SLC12A7: variants seen among roughly 807,000 people sequenced by gnomAD.
The protein encoded by SLC12A7 is K-Cl cotransporter 4.
A neutral mutation model predicts 120.6 loss-of-function variants in SLC12A7; 100 were observed. That is an observed-to-expected ratio of 0.83 (90% CI 0.71 to 0.98). The LOEUF (loss-of-function observed/expected upper bound fraction) is 0.98. Ranked by LOEUF, SLC12A7 falls within the 50% of genes least tolerant of loss-of-function variation. The pLI, the probability that SLC12A7 is intolerant of heterozygous loss-of-function variation, is 0.00. For missense variants in SLC12A7, 1,373 were observed against 1,548.1 expected (o/e 0.89, Z 1.90); for synonymous variants, 760 against 678.0 (o/e 1.12, Z -1.88).
chr5:1,144,663 C>T, the SLC12A7 span, among the ~76,000 whole-genome samples: 1 of 152,218 alleles, frequency 6.6e-6, no homozygotes, highest in Non-Finnish European at 1.5e-5. Flanking sequence ...CAATTGAGTA[C>T]AGCTATTTAT....
At chr5:1,117,680 G>A in the SLC12A7 span, among the ~76,000 whole-genome samples, 2 of 152,070 alleles carry the variant, frequency 1.3e-5, no homozygotes, top group Non-Finnish European at 2.9e-5. The surrounding 1 kb of genome is among the most constrained non-coding windows in gnomAD (Gnocchi z 4.5). Flanking sequence ...AACAGACTCC[G>A]CACAAAAGGA....
chr5:1,073,601 G>C, intron 17 of SLC12A7, 32 bp downstream of exon 17: 1 of 1,578,572 alleles, frequency 6.3e-7, no homozygotes, highest in African/African-American at 1.4e-5. Context: ...GGGTGGGAAA[G>C]AGGCCTGGCC....
chr5:1,061,190 C>T (rs1271208942), intron 20 of SLC12A7, among the ~76,000 whole-genome samples: 2 of 21,602 alleles, frequency 9.3e-5, no homozygotes, highest in African/African-American at 1.3e-4. Context: ...ACCCACCGCA[C>T]CCGCCGTGCG....
At chr5:1,135,874 C>T in the SLC12A7 span, among the ~76,000 whole-genome samples, 7 of 152,228 alleles carry the variant, frequency 4.6e-5, no homozygotes, top group Non-Finnish European at 1.5e-5. Flanking sequence ...GCTTGGACTG[C>T]ACCATCCCCA....
At chr5:1,076,083 G>A (rs1337444533) in intron 14 of SLC12A7, 55 bp downstream of exon 14, 4 of 1,463,572 alleles carry the variant, frequency 2.7e-6, no homozygotes, top group African/African-American at 1.4e-5. Context: ...CAGTGGCAGA[G>A]GCACCCAGTG....
intron 17 of SLC12A7, 21 bp from the exon 18 acceptor site, chr5:1,065,499 T>C (rs536707811): frequency 9.7e-6 from 15 of 1,544,760 alleles, no homozygotes; most frequent in African/African-American, 1.4e-5. Flanking sequence ...CAGGACAGGT[T>C]GGTGCTACAG....
chr5:1,073,392 G>A (rs140511666), intron 17 of SLC12A7, among the ~76,000 whole-genome samples: 78 of 152,298 alleles, frequency 5.1e-4, no homozygotes, highest in African/African-American at 1.7e-3. Flanking sequence ...GGGAGGAGGC[G>A]GTCCCAGGGT....
chr5:1,131,047 G>C, the SLC12A7 span, among the ~76,000 whole-genome samples: 1 of 152,252 alleles, frequency 6.6e-6, no homozygotes, highest in Non-Finnish European at 1.5e-5. Context: ...GGTGAGGCCT[G>C]GGGGAGGGTA....
intron 18 of SLC12A7, among the ~76,000 whole-genome samples, chr5:1,064,867 C>T (rs1288025893): frequency 3.9e-5 from 5 of 126,700 alleles, no homozygotes; most frequent in African/African-American, 6.0e-5. Context: ...GGCGAGGGGA[C>T]AGCGAGGGGA....
intron 20 of SLC12A7, 149 bp from the exon 21 acceptor site, chr5:1,060,600 C>T: frequency 1.6e-6 from 1 of 635,236 alleles, no homozygotes. Context: ...GGCTCTCAGG[C>T]CCCCCGCCCA....
At chr5:1,096,430 A>G (rs1016718066) in intron 1 of SLC12A7, among the ~76,000 whole-genome samples, 1 of 152,070 alleles carries the variant, frequency 6.6e-6, no homozygotes, top group Non-Finnish European at 1.5e-5. Context: ...ACTTTCAACT[A>G]AGAAAATATG....
Position 1,064,185 on chromosome 5 carries a change from C to A in SLC12A7, c.2505G>T (p.Pro835=). The stretch of plus-strand genomic sequence containing the variant: ...CCCCGCCGAAGCGCTCCTGGTTTTG[C>A]GGAAACGAGTCGACGTTCTTGGCCA... The part of the protein sequence containing the change: ...LLVAKNVDSF[P]QNQERFGGGH... The change falls in exon 19 of 24, where the codon CCG becomes CCT. Residue 835 remains proline, a synonymous_variant. Transcript: ENST00000264930. The A allele has an allele frequency of 1.9e-6, 3 of 1,612,342 alleles. No homozygotes were observed. Among genetic ancestry groups the A allele is most frequent in the South Asian group, 2.2e-5 (2 of 91,062 alleles).
the SLC12A7 span, among the ~76,000 whole-genome samples, chr5:1,120,452 C>T: frequency 9.2e-5 from 14 of 152,220 alleles, no homozygotes; most frequent in South Asian, 2.1e-4. Flanking sequence ...CGCGCGCCGT[C>T]GGCAGTGTGC....
intron 11 of SLC12A7, 162 bp downstream of exon 11, chr5:1,078,539 C>A (rs539390369): frequency 1.5e-5 from 10 of 663,282 alleles, no homozygotes; most frequent in South Asian, 1.2e-4. Flanking sequence ...GCGGAAGAGA[C>A]GACACATCAG....
intron 20 of SLC12A7, among the ~76,000 whole-genome samples, chr5:1,061,160 GTGCGGGA>G (rs1561035139): frequency 8.9e-5 from 2 of 22,410 alleles, no homozygotes; most frequent in Non-Finnish European, 3.0e-4. Context: ...CGCACCCGCC[GTGCGGGA>G]CCCCTGCGTC....
intron 6 of SLC12A7, 59 bp downstream of exon 6, chr5:1,086,844 C>G (rs1739910502): frequency 1.3e-6 from 2 of 1,591,118 alleles, no homozygotes; most frequent in Non-Finnish European, 8.6e-7. Context: ...TCAGGCAGGG[C>G]CCCTTGGCAT....
chr5:1,116,107 G>A (rs983411926), upstream of SLC12A7, among the ~76,000 whole-genome samples: 9 of 152,032 alleles, frequency 5.9e-5, no homozygotes, highest in East Asian at 5.8e-4. Flanking sequence ...CCCCACATCC[G>A]CCACCACCTG....
chr5:1,053,237 GA>G (rs1735244898), intron 23 of SLC12A7, 111 bp downstream of exon 23: 1 of 1,373,732 alleles, frequency 7.3e-7, no homozygotes, highest in Non-Finnish European at 9.9e-7. Flanking sequence ...GCCTGGGGCT[GA>G]AGGAGAGGCG....
the SLC12A7 span, among the ~76,000 whole-genome samples, chr5:1,153,441 T>C: frequency 6.6e-6 from 1 of 152,312 alleles, no homozygotes; most frequent in Non-Finnish European, 1.5e-5. Context: ...CTCAGGGGCC[T>C]CTGGGGGGGT....
Sources: allele counts gnomAD v4.1 joint callset (sites outside exome capture counted in the v4.1 genomes callset), GRCh38; gene constraint gnomAD v4.1.1; non-coding constraint Gnocchi (gnomAD v3.1); transcripts MANE v1.5; gene names NCBI Gene and HGNC (gene_info 2026-07-23, HGNC 2026-07-21).